STRBP: variants seen among roughly 807,000 people sequenced by gnomAD.
The protein encoded by STRBP is spermatid perinuclear RNA-binding protein.
Under a neutral mutation model 80.1 loss-of-function variants are expected in STRBP, and 13 were observed. The ratio of observed to expected loss-of-function variants is 0.16; its 90% CI spans 0.11 to 0.26. STRBP has a LOEUF of 0.26. Among genes scored for constraint, STRBP ranks in the 10% least tolerant of loss-of-function variants. The probability of loss-of-function intolerance (pLI) is 1.00; values close to 1 mark genes in which losing one functional copy is unlikely to be tolerated. For missense variants in STRBP, 485 were observed against 815.2 expected (o/e 0.59, Z 4.93); for synonymous variants, 284 against 291.2 (o/e 0.98, Z 0.25).
At chr9:123,113,223 C>T (rs1244714420) in intron 3 of STRBP, 1 of 167,286 alleles carries the variant, frequency 6.0e-6, no homozygotes, top group Non-Finnish European at 1.5e-5. Context: ...TTTGTGATCA[C>T]ATGACCCTCC....
At chr9:123,201,248 ACTT>A (rs1005272689) in intron 2 of STRBP, among the ~76,000 whole-genome samples, 11 of 151,550 alleles carry the variant, frequency 7.3e-5, no homozygotes, top group East Asian at 1.9e-4. Flanking sequence ...GATCTTTGTT[ACTT>A]CTTCTTCTAG....
chr9:123,240,708 C>T (rs940639076), intron 1 of STRBP, among the ~76,000 whole-genome samples: 1 of 152,194 alleles, frequency 6.6e-6, no homozygotes, highest in African/African-American at 2.4e-5. Context: ...TGTGCCAGTG[C>T]TCCAAGGCTC....
intron 2 of STRBP, among the ~76,000 whole-genome samples, chr9:123,197,300 GA>G (rs1346150518): frequency 6.6e-6 from 1 of 152,098 alleles, no homozygotes; most frequent in Non-Finnish European, 1.5e-5. Context: ...TAAATAGAAG[GA>G]AAACAATCTA....
Position 123,220,869 on chromosome 9 carries a change from C to A in STRBP, c.-165+15961G>T, listed in dbSNP as rs374196364. Among the ~76,000 whole-genome samples, 3 of 152,178 alleles carry A rather than the reference C, an allele frequency of 2.0e-5. No individual in the cohort carries two copies. In the East Asian group the frequency reaches 5.8e-4, roughly 29 times the overall value. ...GCAGGGTTAAGTGACTTCCAAGTTG[C>A]AGAGCTAGTACGCAGGATTGGAATT... On this transcript the variant is annotated intron_variant, in intron 2 of 18. Coordinates refer to ENST00000348403, the MANE Select transcript of STRBP (RefSeq NM_018387.5).
At chr9:123,172,150 A>G (rs972750832) in intron 5 of STRBP, among the ~76,000 whole-genome samples, 1 of 152,316 alleles carries the variant, frequency 6.6e-6, no homozygotes, top group East Asian at 1.9e-4. Flanking sequence ...CAATGCTGCA[A>G]CATCTGAGGA....
chr9:123,267,162 A>C (rs1588171702), intron 1 of STRBP, among the ~76,000 whole-genome samples: 2 of 103,714 alleles, frequency 1.9e-5, no homozygotes, highest in African/African-American at 1.1e-4. Flanking sequence ...GCCACCCCAC[A>C]CCTGTCCCTC....
chr9:123,124,617 A>G lies in STRBP; in HGVS notation c.*980T>C. On this transcript the variant is annotated 3_prime_UTR_variant, in exon 19 of 19. Coordinates refer to ENST00000348403, the MANE Select transcript of STRBP (RefSeq NM_018387.5). The stretch of plus-strand genomic sequence containing the variant: ...GAAAGGAGACCCTTCAATGAATCCC[A>G]GCAAAATCACTAATCTTCTATCTGC... 1.0e-6 allele frequency: 1 copy of G among 985,480 alleles called. No individual in the cohort carries two copies. Among genetic ancestry groups the G allele is most frequent in the Non-Finnish European group, 1.2e-6 (1 of 829,940 alleles). The allele number at this position is 985,480 out of a possible 1,614,324, so 61.0% of individuals were successfully genotyped here.
At chr9:123,132,814 G>A (rs918875527) in intron 17 of STRBP, 31 bp downstream of exon 17, 6 of 1,609,846 alleles carry the variant, frequency 3.7e-6, no homozygotes, top group Non-Finnish European at 4.2e-6. Flanking sequence ...GCCCAGTAAA[G>A]GGGGCCAATC....
chr9:123,235,510 A>G (rs1217749244), intron 2 of STRBP, among the ~76,000 whole-genome samples: 1 of 63,094 alleles, frequency 1.6e-5, no homozygotes, highest in Non-Finnish European at 2.4e-5. Flanking sequence ...AACTTCAGGA[A>G]AAAAAAAAAA....
chr9:123,160,491 C>T, intron 7 of STRBP, 29 bp from the exon 8 acceptor site: 1 of 1,543,618 alleles, frequency 6.5e-7, no homozygotes, highest in Middle Eastern at 1.7e-4. Context: ...TTCCAGATAT[C>T]CCTATTGAGA....
At chr9:123,172,687 G>A (rs2038059961) in intron 5 of STRBP, among the ~76,000 whole-genome samples, 1 of 152,010 alleles carries the variant, frequency 6.6e-6, no homozygotes, top group Admixed American at 6.6e-5. Flanking sequence ...TGAGTGTCAA[G>A]AATGGTACTA....
chr9:123,198,285 G>A (rs1564290006), intron 2 of STRBP, among the ~76,000 whole-genome samples: 1 of 151,836 alleles, frequency 6.6e-6, no homozygotes, highest in African/African-American at 2.4e-5. Flanking sequence ...ACTGGCACCC[G>A]CCATCATGCC....
chr9:123,176,990 G>C (rs778031181), intron 4 of STRBP, among the ~76,000 whole-genome samples: 1 of 152,112 alleles, frequency 6.6e-6, no homozygotes, highest in Non-Finnish European at 1.5e-5. Flanking sequence ...ACCGTGCCTG[G>C]CAATGGAAAA....
chr9:123,140,593 C>A (rs1433110585), intron 13 of STRBP, among the ~76,000 whole-genome samples: 1 of 151,240 alleles, frequency 6.6e-6, no homozygotes, highest in Admixed American at 6.6e-5. Flanking sequence ...GACTCTGTCT[C>A]AAAAAAACAA....
chr9:123,134,474 G>A (rs770274726), intron 16 of STRBP, among the ~76,000 whole-genome samples: 2 of 152,278 alleles, frequency 1.3e-5, no homozygotes, highest in Admixed American at 6.5e-5. Context: ...AGGGACTGCC[G>A]TTTTTGTTTT....
intron 6 of STRBP, among the ~76,000 whole-genome samples, chr9:123,163,053 G>C (rs1240429063): frequency 6.6e-6 from 1 of 152,154 alleles, no homozygotes; most frequent in Admixed American, 6.5e-5. Flanking sequence ...AAATAGTATG[G>C]AACTTGTTTT....
intron 2 of STRBP, among the ~76,000 whole-genome samples, chr9:123,195,330 C>G (rs1325209699): frequency 6.6e-6 from 1 of 152,026 alleles, no homozygotes; most frequent in African/African-American, 2.4e-5. Context: ...TAAAATCTGA[C>G]TATTGGGAAG....
chr9:123,189,698 T>A (rs578103590), intron 2 of STRBP, among the ~76,000 whole-genome samples: 46 of 148,402 alleles, frequency 3.1e-4, no homozygotes, highest in Middle Eastern at 3.5e-3. Flanking sequence ...GGGCCTGTCG[T>A]GGGGTGGGGG....
At chr9:123,183,245 G>T (rs1451063036) in intron 3 of STRBP, among the ~76,000 whole-genome samples, 1 of 151,852 alleles carries the variant, frequency 6.6e-6, no homozygotes, top group South Asian at 2.1e-4. Flanking sequence ...GACCAACCTG[G>T]CCAACATGGC....
Sources: allele counts gnomAD v4.1 joint callset (sites outside exome capture counted in the v4.1 genomes callset), GRCh38; gene constraint gnomAD v4.1.1; transcripts MANE v1.5; gene names NCBI Gene and HGNC (gene_info 2026-07-23, HGNC 2026-07-21).